The following ATXN7 variants were observed in gnomAD, a reference collection of about 807,000 sequenced individuals.
The protein encoded by ATXN7 is ataxin-7.
In ATXN7, 12 loss-of-function variants were observed where a neutral mutation model predicts 70.5. The ratio of observed to expected loss-of-function variants is 0.17; its 90% confidence interval spans 0.11 to 0.28. The LOEUF is 0.28. ATXN7 is among the 10% of genes least tolerant of loss of function. The pLI is 1.00. For synonymous variants in ATXN7, 498 were observed against 448.7 expected, an observed-to-expected ratio of 1.11 and a Z score of -1.39; for missense variants, 1,256 against 1,131.7, an observed-to-expected ratio of 1.11 and a Z score of -1.58.
intron 1 of ATXN7, among the ~76,000 whole-genome samples, chr3:63,891,668 A>G (rs1703268202): frequency 6.6e-6 from 1 of 152,106 alleles, no homozygotes; most frequent in African/African-American, 2.4e-5. Flanking sequence ...ACATGTCTCT[A>G]CCTTACTGCA....
intron 4 of ATXN7, among the ~76,000 whole-genome samples, chr3:63,949,509 C>A (rs1233546005): frequency 2.6e-5 from 4 of 152,108 alleles, no homozygotes; most frequent in African/African-American, 9.7e-5. Context: ...AGTGATTCTC[C>A]TGCCTCAGCC....
At chr3:63,894,164 T>C (rs538657200) in intron 1 of ATXN7, among the ~76,000 whole-genome samples, 85 of 152,272 alleles carry the variant, frequency 5.6e-4, no homozygotes, top group Non-Finnish European at 1.0e-3. Flanking sequence ...CTGAGTACTT[T>C]GGAAATTACA....
At chr3:63,895,252 T>C (rs1366037179) in intron 1 of ATXN7, among the ~76,000 whole-genome samples, 1 of 152,212 alleles carries the variant, frequency 6.6e-6, no homozygotes, top group Non-Finnish European at 1.5e-5. Context: ...TGATTCAGAT[T>C]ATGCCTTAAA....
intron 8 of ATXN7, among the ~76,000 whole-genome samples, chr3:63,985,336 C>T (rs1000280945): frequency 2.0e-5 from 3 of 152,182 alleles, no homozygotes; most frequent in Admixed American, 6.5e-5. Context: ...CTCTCCGTGG[C>T]ATTGGGCTAA....
Position 64,002,498 on chromosome 3 carries a change from C to T in ATXN7, c.*3031C>T, listed in dbSNP as rs3733127. The T allele has an allele frequency of 0.23, 34,593 of 150,912 alleles. 4,806 individuals carry two copies. The highest frequency in any genetic ancestry group is 0.38 in the African/African-American group (15,579 of 40,650). The allele number at this position is 150,912 out of a possible 1,614,324, so 9.3% of individuals were successfully genotyped here. On this transcript the variant is annotated 3_prime_UTR_variant, in exon 13 of 13. Coordinates refer to ENST00000674280, the MANE Select transcript of ATXN7 (RefSeq NM_001377405.1). ...TTTTATGTGTGGGAGTATGTGACTG[C>T]GTGTGTGTGTGCCTGTGCGTGTGTG...
intron 5 of ATXN7, chr3:63,967,827 C>T: frequency 6.6e-7 from 1 of 1,520,488 alleles, no homozygotes; most frequent in East Asian, 2.5e-5. Context: ...AAACATGGAG[C>T]ATATTTGGAG....
intron 8 of ATXN7, among the ~76,000 whole-genome samples, chr3:63,985,883 G>GTGT (rs2075571361): frequency 6.6e-6 from 1 of 152,198 alleles, no homozygotes; most frequent in African/African-American, 2.4e-5. Flanking sequence ...CAATAACCAC[G>GTGT]TGTTCCCTAT....
intron 1 of ATXN7, among the ~76,000 whole-genome samples, chr3:63,896,483 C>T (rs944330946): frequency 1.3e-5 from 2 of 152,082 alleles, no homozygotes; most frequent in Admixed American, 1.3e-4. Flanking sequence ...TAAATATCAC[C>T]AAAGGCCCGG....
intron 12 of ATXN7, chr3:63,998,690 C>G (rs1234605031): frequency 4.1e-6 from 4 of 984,608 alleles, no homozygotes; most frequent in Middle Eastern, 5.2e-4. Flanking sequence ...TCATTGAACC[C>G]CAAGAAGTAT....
intron 1 of ATXN7, among the ~76,000 whole-genome samples, chr3:63,897,681 A>G (rs1703487260): frequency 6.6e-6 from 1 of 152,092 alleles, no homozygotes; most frequent in Admixed American, 6.6e-5. Flanking sequence ...TACCTTGACA[A>G]CATCTGCCCG....
chr3:63,895,469 A>G (rs542967304), intron 1 of ATXN7, among the ~76,000 whole-genome samples: 6 of 152,108 alleles, frequency 3.9e-5, no homozygotes, highest in Non-Finnish European at 7.4e-5. Flanking sequence ...TCTACTTTTA[A>G]AATACGTTTT....
intron 5 of ATXN7, 135 bp downstream of exon 5, chr3:63,952,618 G>C: frequency 2.1e-6 from 1 of 482,362 alleles, no homozygotes; most frequent in Non-Finnish European, 3.6e-6. Context: ...AATTCACTCA[G>C]TGGGTTAATA....
chr3:63,892,083 G>A (rs1015126023), intron 1 of ATXN7, among the ~76,000 whole-genome samples: 1 of 152,110 alleles, frequency 6.6e-6, no homozygotes, highest in African/African-American at 2.4e-5. Context: ...GTTTAGCAGA[G>A]GGTCTGATCC....
chr3:63,951,368 T>C (rs2074950750), intron 4 of ATXN7, among the ~76,000 whole-genome samples: 2 of 152,192 alleles, frequency 1.3e-5, no homozygotes, highest in Admixed American at 1.3e-4. Flanking sequence ...TGAAATTAAA[T>C]CTTCATAGGA....
intron 2 of ATXN7, among the ~76,000 whole-genome samples, chr3:63,906,281 C>G (rs1703835693): frequency 1.3e-5 from 2 of 152,162 alleles, no homozygotes; most frequent in East Asian, 3.9e-4. Flanking sequence ...GTCATGTTTG[C>G]TGGATCTATA....
At chr3:63,991,779 G>A (rs559214353) in intron 11 of ATXN7, among the ~76,000 whole-genome samples, 6 of 150,978 alleles carry the variant, frequency 4.0e-5, no homozygotes, top group African/African-American at 1.5e-4. Context: ...TTAAGTGGAA[G>A]AAGAGTTCCA....
Position 63,898,502 on chromosome 3 carries a change from C to G in ATXN7, c.-12+5C>G, listed in dbSNP as rs1703513363. 1 of 152,180 alleles carries G rather than the reference C, an allele frequency of 6.6e-6. No homozygotes were observed. The highest frequency in any genetic ancestry group is 1.5e-5 in the Non-Finnish European group (1 of 68,032). The allele number at this position is 152,180 out of a possible 1,614,324, so 9.4% of individuals were successfully genotyped here. A position where few individuals can be genotyped will look rare whatever the true frequency, so the allele number is the denominator to read the frequency against. On this transcript the variant is annotated splice_donor_5th_base_variant and intron_variant, in intron 2 of 12. Transcript: ENST00000674280. ...GGCCTACCCTCCAAAGAAAAGGTAA[C>G]TGGCTGTTCTGATATCGCAAACACA... is the stretch of plus-strand genomic sequence containing the variant.
intron 2 of ATXN7, 92 bp from the exon 3 acceptor site, chr3:63,912,478 AGCGTGCCCCACCCGGTCC>A (rs1704066557): frequency 1.5e-6 from 1 of 668,002 alleles, no homozygotes; most frequent in Non-Finnish European, 1.9e-6. Flanking sequence ...GGGCGCTGTC[AGCGTGCCCCACCCGGTCC>A]GCGGGCCGCG....
At chr3:63,894,043 T>C (rs1484212794) in intron 1 of ATXN7, among the ~76,000 whole-genome samples, 3 of 152,192 alleles carry the variant, frequency 2.0e-5, no homozygotes, top group Non-Finnish European at 4.4e-5. Flanking sequence ...TGGGTTTGGG[T>C]GGTCGATTTT....
Sources: gnomAD v4.1 joint callset for allele counts (sites outside exome capture counted in the v4.1 genomes callset) on GRCh38, gnomAD v4.1.1 for gene constraint, MANE v1.5 for transcripts, NCBI Gene and HGNC (gene_info 2026-07-23, HGNC 2026-07-21) for gene names.